Variants in PLXDC2 observed in about 807,000 individuals in gnomAD.
PLXDC2 encodes the protein plexin domain containing 2, also known as plexin domain-containing protein 2.
Under a neutral mutation model 68.9 loss-of-function variants are expected in PLXDC2, and 40 were observed. The ratio of observed to expected loss-of-function variants is 0.58; its 90% CI spans 0.45 to 0.76. The LOEUF is 0.76. Ranked by LOEUF, PLXDC2 falls within the 30% of genes least tolerant of loss-of-function variation. The pLI, the probability that PLXDC2 is intolerant of heterozygous loss-of-function variation, is 0.00. For missense variants in PLXDC2, 644 were observed against 661.9 expected, an observed-to-expected ratio of 0.97 and a Z score of 0.30; for synonymous variants, 243 against 234.2, an observed-to-expected ratio of 1.04 and a Z score of -0.34.
intron 1 of PLXDC2, among the ~76,000 whole-genome samples, chr10:19,929,807 T>A (rs996477293): frequency 3.9e-5 from 6 of 152,230 alleles, no homozygotes; most frequent in Non-Finnish European, 8.8e-5. Flanking sequence ...TAGTTTCTGT[T>A]GTAATTTTAT....
chr10:19,921,103 TTTC>T (rs1275777202), intron 1 of PLXDC2, among the ~76,000 whole-genome samples: 5 of 142,694 alleles, frequency 3.5e-5, no homozygotes, highest in Non-Finnish European at 6.1e-5. Flanking sequence ...TTCTTTTTCT[TTTC>T]TTCTTCTTTT....
intron 9 of PLXDC2, among the ~76,000 whole-genome samples, chr10:20,196,245 T>A (rs1377546035): frequency 6.6e-6 from 1 of 152,140 alleles, no homozygotes; most frequent in Non-Finnish European, 1.5e-5. Flanking sequence ...AATTCATCTA[T>A]CAGAAAGAGA....
chr10:20,279,308 A>G (rs1162123568), intron 13 of PLXDC2, among the ~76,000 whole-genome samples: 1 of 152,218 alleles, frequency 6.6e-6, no homozygotes, highest in Admixed American at 6.5e-5. Flanking sequence ...ATGAAGTGAT[A>G]TCAGTATTGA....
intron 4 of PLXDC2, among the ~76,000 whole-genome samples, chr10:20,081,259 C>T (rs140836947): frequency 8.5e-5 from 13 of 152,146 alleles, no homozygotes; most frequent in African/African-American, 2.7e-4. Flanking sequence ...TAGGGAAATA[C>T]ATCTGGAATG....
intron 1 of PLXDC2, among the ~76,000 whole-genome samples, chr10:19,975,444 C>T (rs755023203): frequency 1.3e-5 from 2 of 151,752 alleles, no homozygotes; most frequent in South Asian, 2.1e-4. Context: ...GGAGACAGAG[C>T]GAGACTCCAT....
At position 19,893,598 on chromosome 10, in the gene PLXDC2, G is replaced by T. The variant is rs755360052; in HGVS notation, c.112+76407G>T. ...GGTGGAAGCTCTGTGCAAAAAGATG[G>T]ATATGTGACCAATATAATAATGGCT... On this transcript the variant is annotated intron_variant, in intron 1 of 13. Transcript: ENST00000377252. Among the ~76,000 whole-genome samples the T allele has an allele frequency of 2.0e-5, 3 of 152,202 alleles. No homozygotes were observed. The South Asian group carries it at 6.2e-4, about 31-fold the overall frequency.
intron 1 of PLXDC2, among the ~76,000 whole-genome samples, chr10:19,832,228 G>A (rs1300697556): frequency 1.3e-5 from 2 of 152,166 alleles, no homozygotes; most frequent in African/African-American, 4.8e-5. Context: ...CACCTAGCAT[G>A]TAGTAGGCTC....
intron 12 of PLXDC2, among the ~76,000 whole-genome samples, chr10:20,229,899 A>G (rs564933239): frequency 6.6e-6 from 1 of 152,326 alleles, no homozygotes; most frequent in East Asian, 1.9e-4. Flanking sequence ...GATTTTTAAC[A>G]CAGTTAACAT....
intron 1 of PLXDC2, among the ~76,000 whole-genome samples, chr10:19,990,522 G>T (rs12777035): frequency 0.16 from 24,352 of 152,132 alleles, 2,371 homozygotes; most frequent in Non-Finnish European, 0.22. Flanking sequence ...AAGTGTTAGA[G>T]CTCAACTAAT....
intron 1 of PLXDC2, among the ~76,000 whole-genome samples, chr10:19,981,293 A>G (rs771447736): frequency 2.6e-5 from 4 of 152,210 alleles, no homozygotes; most frequent in Non-Finnish European, 4.4e-5. Flanking sequence ...GCCTCTCTCA[A>G]TCTCTGTTTC....
rs866657929 is a variant in PLXDC2 at position 20,012,303 on chromosome 10, C to T, written c.324+10317C>T. Among the ~76,000 whole-genome samples, 63 of 65,590 alleles carry T rather than the reference C, an allele frequency of 9.6e-4. 1 individual carries two copies. Among genetic ancestry groups the T allele is most frequent in the Admixed American group, 5.8e-3 (23 of 3,942 alleles). 43.0% of individuals were successfully genotyped at this position (65,590 alleles called of 152,430 possible). ...GATAAGAGTCTCTCTCTCTCTCTCT[C>T]TTTTTTATTTTTTTTTTTTTTTTTT... is the stretch of plus-strand genomic sequence containing the variant. On this transcript the variant is annotated intron_variant, in intron 2 of 13. Transcript: ENST00000377252.
chr10:19,871,320 C>G (rs78440035), intron 1 of PLXDC2, among the ~76,000 whole-genome samples: 1 of 152,086 alleles, frequency 6.6e-6, no homozygotes, highest in Non-Finnish European at 1.5e-5. Context: ...GGGGACATTC[C>G]GTCATGAACC....
At chr10:20,025,817 T>G (rs1835390660) in intron 2 of PLXDC2, among the ~76,000 whole-genome samples, 2 of 152,034 alleles carry the variant, frequency 1.3e-5, no homozygotes, top group Non-Finnish European at 2.9e-5. Flanking sequence ...GACATAAGCT[T>G]TTTTTCACTT....
chr10:19,904,795 T>C (rs1168777762), intron 1 of PLXDC2, among the ~76,000 whole-genome samples: 2 of 152,208 alleles, frequency 1.3e-5, no homozygotes, highest in African/African-American at 4.8e-5. Flanking sequence ...GTGTTAGGGT[T>C]TCTTAGCATA....
chr10:19,890,700 T>C (rs955640514), intron 1 of PLXDC2, among the ~76,000 whole-genome samples: 1 of 148,046 alleles, frequency 6.8e-6, no homozygotes, highest in Non-Finnish European at 1.5e-5. Context: ...TTTTTTTTTT[T>C]TTTTTAAATC....
intron 2 of PLXDC2, among the ~76,000 whole-genome samples, chr10:20,015,486 C>A (rs1025251975): frequency 6.6e-6 from 1 of 151,912 alleles, no homozygotes; most frequent in Non-Finnish European, 1.5e-5. Context: ...CTTGGATAGC[C>A]CTTGTACATG....
intron 1 of PLXDC2, among the ~76,000 whole-genome samples, chr10:19,958,765 T>C (rs1316395023): frequency 6.6e-6 from 1 of 152,208 alleles, no homozygotes; most frequent in Non-Finnish European, 1.5e-5. Flanking sequence ...TCATCACAAA[T>C]AATTGTGTTT....
intron 1 of PLXDC2, among the ~76,000 whole-genome samples, chr10:19,944,679 G>T (rs1026049187): frequency 6.6e-6 from 1 of 152,148 alleles, no homozygotes; most frequent in African/African-American, 2.4e-5. Flanking sequence ...GGCCGGGTAT[G>T]GTGGCTCACG....
chr10:20,086,551 T>TA lies in PLXDC2; in HGVS notation c.541+18315dup, dbSNP rs560833101. Among the ~76,000 whole-genome samples, 751 of 152,166 alleles carry TA rather than the reference T, an allele frequency of 4.9e-3. 13 individuals are homozygous for TA. Among genetic ancestry groups the TA allele is most frequent in the African/African-American group, 0.017 (719 of 41,528 alleles). On this transcript the variant is annotated intron_variant, in intron 4 of 13. Coordinates refer to ENST00000377252, the MANE Select transcript of PLXDC2 (RefSeq NM_032812.9). ...TTGCATGTTCTTTTTGACATTTTCC[T>TA]AAATGCAAAGCATGGGTTTACGGGC...
Sources: gnomAD v4.1 joint callset for allele counts (sites outside exome capture counted in the v4.1 genomes callset) on GRCh38, gnomAD v4.1.1 for gene constraint, MANE v1.5 for transcripts, NCBI Gene and HGNC (gene_info 2026-07-23, HGNC 2026-07-21) for gene names.